The following CDH4 variants were observed in gnomAD, a reference collection of about 807,000 sequenced individuals.
CDH4 encodes cadherin-4.
A neutral mutation model predicts 86.0 loss-of-function variants in CDH4; 33 were observed. The observed-to-expected ratio is 0.38, with a 90% confidence interval of 0.29 to 0.51. CDH4 has a LOEUF of 0.51. CDH4 is among the 20% of genes least tolerant of loss of function. The pLI, the probability that CDH4 is intolerant of heterozygous loss-of-function variation, is 0.86. For synonymous variants in CDH4, 555 were observed against 549.4 expected, an observed-to-expected ratio of 1.01 and a Z score of -0.14; for missense variants, 1,114 against 1,307.4, an observed-to-expected ratio of 0.85 and a Z score of 2.28.
intron 2 of CDH4, among the ~76,000 whole-genome samples, chr20:61,406,962 C>A (rs1400566490): frequency 6.8e-6 from 1 of 146,156 alleles, no homozygotes; most frequent in Non-Finnish European, 1.5e-5. Context: ...TCTGCTCTGC[C>A]TGGACCACCA....
At chr20:61,670,272 T>G (rs899546881) in intron 2 of CDH4, among the ~76,000 whole-genome samples, 3 of 152,226 alleles carry the variant, frequency 2.0e-5, no homozygotes, top group African/African-American at 7.2e-5. Context: ...ACCCCCATGC[T>G]GGTCCCCAAC....
At chr20:61,724,432 TGGG>T (rs2088086155) in intron 2 of CDH4, among the ~76,000 whole-genome samples, 4 of 152,188 alleles carry the variant, frequency 2.6e-5, no homozygotes, top group Non-Finnish European at 5.9e-5. Flanking sequence ...CTGAGTACAG[TGGG>T]CTCAGTGAGA....
chr20:61,916,920 C>T (rs910618818), intron 9 of CDH4, among the ~76,000 whole-genome samples: 5 of 152,226 alleles, frequency 3.3e-5, no homozygotes, highest in African/African-American at 1.2e-4. Flanking sequence ...TCTTCTGCCT[C>T]CCTTTTCACA....
At chr20:61,528,491 T>C (rs925662073) in intron 2 of CDH4, among the ~76,000 whole-genome samples, 5 of 129,826 alleles carry the variant, frequency 3.9e-5, no homozygotes, top group Admixed American at 3.0e-4. Flanking sequence ...AAATACAGGC[T>C]GGGCACAGTG....
chr20:61,720,483 GGGTGTAGGGGTGCAGGGATGCAGA>G (rs2088025919), intron 2 of CDH4, among the ~76,000 whole-genome samples: 1 of 149,672 alleles, frequency 6.7e-6, no homozygotes, highest in Non-Finnish European at 1.5e-5. Flanking sequence ...GAGAATGCAG[GGGTGTAGGGGTGCAGGGATGCAGA>G]GTGGAGGGGT....
chr20:61,897,574 G>A (rs1415743131), intron 8 of CDH4, among the ~76,000 whole-genome samples: 1 of 152,174 alleles, frequency 6.6e-6, no homozygotes, highest in African/African-American at 2.4e-5. Context: ...CCACTGACCA[G>A]CACTAAGCAG....
intron 2 of CDH4, among the ~76,000 whole-genome samples, chr20:61,538,063 G>A (rs1255114254): frequency 6.6e-6 from 1 of 152,196 alleles, no homozygotes. Context: ...TATGTACAAA[G>A]CCAGGCCCCC....
At position 61,252,674 on chromosome 20, in the gene CDH4, C is replaced by T; in HGVS notation, c.57+104C>T. On this transcript the variant is annotated intron_variant, in intron 1 of 15. Coordinates refer to ENST00000614565, the MANE Select transcript of CDH4 (RefSeq NM_001794.5). This position sits in a 1 kb window ranked among gnomAD's most constrained non-coding sequence, Gnocchi z 4.4. ...ACACACCCGGCGGGGCTCTCCCGGGCTCCCCCGCCGCGCTCCCCGCTGCAT... is the reference window on the plus strand; with the variant it reads ...ACACACCCGGCGGGGCTCTCCCGGGTTCCCCCGCCGCGCTCCCCGCTGCAT... 1 of 609,184 alleles carries T rather than the reference C, an allele frequency of 1.6e-6. No individual in the cohort carries two copies. Among genetic ancestry groups the T allele is most frequent in the Non-Finnish European group, 2.3e-6 (1 of 439,266 alleles). The allele number at this position is 609,184 out of a possible 1,614,324, so 37.7% of individuals were successfully genotyped here. A position where few individuals can be genotyped will look rare whatever the true frequency, so the allele number is the denominator to read the frequency against.
intron 2 of CDH4, among the ~76,000 whole-genome samples, chr20:61,649,038 A>ATATT (rs1235742712): frequency 6.6e-6 from 1 of 152,112 alleles, no homozygotes; most frequent in Non-Finnish European, 1.5e-5. Flanking sequence ...TGTTTTATCT[A>ATATT]TATTCGTTTA....
intron 2 of CDH4, among the ~76,000 whole-genome samples, chr20:61,648,407 C>T (rs934920552): frequency 6.6e-6 from 1 of 152,074 alleles, no homozygotes; most frequent in African/African-American, 2.4e-5. Flanking sequence ...CTCTGAGGGC[C>T]GGCAGTGTGA....
chr20:61,639,511 A>G (rs944269), intron 2 of CDH4, among the ~76,000 whole-genome samples: 28,926 of 152,196 alleles, frequency 0.19, 2,851 homozygotes, highest in South Asian at 0.28. Context: ...ATCATTTACG[A>G]TATTAATTTC....
chr20:61,351,703 GTTATTT>G (rs1226954834), intron 2 of CDH4, among the ~76,000 whole-genome samples: 1 of 141,286 alleles, frequency 7.1e-6, no homozygotes, highest in Non-Finnish European at 1.5e-5. Flanking sequence ...CACTCCTTTA[GTTATTT>G]TTATTTTTAT....
intron 4 of CDH4, among the ~76,000 whole-genome samples, chr20:61,796,231 G>T (rs1347945069): frequency 6.6e-6 from 1 of 152,154 alleles, no homozygotes; most frequent in Non-Finnish European, 1.5e-5. Context: ...GAGAGGCTGA[G>T]TGACTCCCCT....
At chr20:61,265,685 C>T (rs1190649706) in intron 2 of CDH4, among the ~76,000 whole-genome samples, 3 of 152,238 alleles carry the variant, frequency 2.0e-5, no homozygotes, top group Non-Finnish European at 4.4e-5. Context: ...ACCTCGCAAT[C>T]TTACACAGAC....
intron 5 of CDH4, among the ~76,000 whole-genome samples, chr20:61,848,990 C>T (rs1982590526): frequency 6.6e-6 from 1 of 152,152 alleles, no homozygotes; most frequent in African/African-American, 2.4e-5. Flanking sequence ...TTATCATCCT[C>T]ATTTCCCATT....
chr20:61,260,478 G>A (rs1600813018), intron 2 of CDH4, among the ~76,000 whole-genome samples: 1 of 152,288 alleles, frequency 6.6e-6, no homozygotes, highest in Admixed American at 6.5e-5. Context: ...TATGTATTGG[G>A]GGTTTTGCCT....
chr20:61,827,017 T>A (rs1194076198), intron 4 of CDH4, among the ~76,000 whole-genome samples: 1 of 147,162 alleles, frequency 6.8e-6, no homozygotes, highest in Admixed American at 6.7e-5. Flanking sequence ...GTGTATGTGT[T>A]TCCTTATTGT....
In CDH4 at chr20:61,269,393, T is replaced by G. The variant is rs1184569492; in HGVS notation, c.169+14456T>G. On this transcript the variant is annotated intron_variant, in intron 2 of 15. Transcript: ENST00000614565. This position sits in a 1 kb window ranked among gnomAD's most constrained non-coding sequence, Gnocchi z 5.3. ...ACCCCGTTGCCTGGAGAGTCCACAT[T>G]TCTAATCCTTAGCCATCAGCTCTGT... Among the ~76,000 whole-genome samples, 1 of 152,060 alleles carries G rather than the reference T, an allele frequency of 6.6e-6. No homozygotes were observed. Among genetic ancestry groups the G allele is most frequent in the Non-Finnish European group, 1.5e-5 (1 of 68,004 alleles).
At chr20:61,798,384 G>A (rs1441098016) in intron 4 of CDH4, among the ~76,000 whole-genome samples, 3 of 152,228 alleles carry the variant, frequency 2.0e-5, no homozygotes, top group Non-Finnish European at 4.4e-5. Flanking sequence ...TGGGCTGTGG[G>A]TCCTCAGCCC....
Sources: gnomAD v4.1 joint callset for allele counts (sites outside exome capture counted in the v4.1 genomes callset) on GRCh38, gnomAD v4.1.1 for gene constraint, Gnocchi (gnomAD v3.1) non-coding constraint, MANE v1.5 for transcripts, NCBI Gene and HGNC (gene_info 2026-07-23, HGNC 2026-07-21) for gene names.